Variants in BLTP3B observed in about 807,000 individuals in gnomAD.
BLTP3B encodes the protein bridge-like lipid transfer protein family member 3B.
the BLTP3B span, among the ~76,000 whole-genome samples, chr12:100,136,153 G>C: frequency 1.3e-5 from 2 of 150,856 alleles, no homozygotes; most frequent in Non-Finnish European, 2.9e-5. Flanking sequence ...AGAGGTTGCA[G>C]TGAGCTGAGA....
At chr12:100,142,463 C>G in the BLTP3B span, 1 of 1,030,954 alleles carries the variant, frequency 9.7e-7, no homozygotes, top group Non-Finnish European at 1.4e-6. Context: ...CTGCCCCGGC[C>G]AGAGCGGGGA....
At chr12:100,127,916 A>G in the BLTP3B span, among the ~76,000 whole-genome samples, 1 of 152,124 alleles carries the variant, frequency 6.6e-6, no homozygotes, top group African/African-American at 2.4e-5. Flanking sequence ...TGGTGGCTGA[A>G]GCAGGAGGAT....
the BLTP3B span, among the ~76,000 whole-genome samples, chr12:100,140,366 TCA>T: frequency 2.0e-5 from 3 of 151,028 alleles, no homozygotes; most frequent in African/African-American, 7.3e-5. Flanking sequence ...AAAATCCTCA[TCA>T]CACTATTTAT....
At chr12:100,059,548 A>T in the BLTP3B span, 31 of 1,560,986 alleles carry the variant, frequency 2.0e-5, no homozygotes, top group Non-Finnish European at 2.6e-5. Flanking sequence ...AAGAGAAGAA[A>T]AATTAATCTC....
chr12:100,097,522 G>T, the BLTP3B span: 1 of 1,585,448 alleles, frequency 6.3e-7, no homozygotes, highest in Non-Finnish European at 8.6e-7. Context: ...AGAACACAGA[G>T]ATTAACTTCA....
the BLTP3B span, chr12:100,098,201 G>C: frequency 3.0e-5 from 24 of 790,140 alleles, no homozygotes; most frequent in Non-Finnish European, 4.0e-5. Context: ...CTGAGCAACA[G>C]AGTGAGACCC....
At chr12:100,136,494 C>G in the BLTP3B span, among the ~76,000 whole-genome samples, 4 of 152,214 alleles carry the variant, frequency 2.6e-5, no homozygotes, top group Admixed American at 6.5e-5. Flanking sequence ...CTTTGTATCT[C>G]TAATGCCCAC....
At chr12:100,101,956 A>C in the BLTP3B span, among the ~76,000 whole-genome samples, 1 of 149,510 alleles carries the variant, frequency 6.7e-6, no homozygotes, top group Non-Finnish European at 1.5e-5. Flanking sequence ...GGCGTATACC[A>C]CCGCACCCAG....
At chr12:100,048,220 ATGTT>A in the BLTP3B span, 2 of 1,556,604 alleles carry the variant, frequency 1.3e-6, no homozygotes, top group Non-Finnish European at 1.7e-6. Context: ...ACATACAAAA[ATGTT>A]TGTAGCATTA....
chr12:100,075,849 T>C, the BLTP3B span, among the ~76,000 whole-genome samples: 1 of 152,138 alleles, frequency 6.6e-6, no homozygotes, highest in Non-Finnish European at 1.5e-5. Context: ...AAAATACAGA[T>C]GCTGGTGAGG....
chr12:100,138,860 TACACATACAC>T, the BLTP3B span, among the ~76,000 whole-genome samples: 3 of 141,526 alleles, frequency 2.1e-5, no homozygotes, highest in Non-Finnish European at 3.0e-5. Context: ...TGTATACACA[TACACATACAC>T]ACACACACAC....
At chr12:100,119,791 A>G in the BLTP3B span, among the ~76,000 whole-genome samples, 2 of 152,228 alleles carry the variant, frequency 1.3e-5, no homozygotes, top group African/African-American at 4.8e-5. Flanking sequence ...ATAAACAAAA[A>G]TTAACTCTAA....
the BLTP3B span, among the ~76,000 whole-genome samples, chr12:100,130,982 G>GGGGAGA: frequency 4.2e-4 from 26 of 62,242 alleles, no homozygotes; most frequent in Non-Finnish European, 5.8e-4. Flanking sequence ...AGAGAGGGAG[G>GGGGAGA]GAGAGAGAGA....
At chr12:100,129,314 C>T in the BLTP3B span, among the ~76,000 whole-genome samples, 1 of 152,102 alleles carries the variant, frequency 6.6e-6, no homozygotes, top group Non-Finnish European at 1.5e-5. Context: ...TCTAAATTTT[C>T]CGGATATGAT....
chr12:100,076,962 T>C, the BLTP3B span, among the ~76,000 whole-genome samples: 2 of 152,202 alleles, frequency 1.3e-5, no homozygotes, highest in Non-Finnish European at 2.9e-5. Context: ...CGTATATATA[T>C]GTGGGGTTTC....
the BLTP3B span, among the ~76,000 whole-genome samples, chr12:100,117,969 A>G: frequency 4.7e-5 from 7 of 149,384 alleles, no homozygotes; most frequent in Non-Finnish European, 8.8e-5. Context: ...GATACAAAGA[A>G]TGCCTTTTTT....
chr12:100,070,523 C>T, the BLTP3B span, among the ~76,000 whole-genome samples: 2 of 152,206 alleles, frequency 1.3e-5, no homozygotes, highest in East Asian at 3.9e-4. Context: ...TCCTAAAGTG[C>T]TGGGATTACA....
chr12:100,051,422 T>C, the BLTP3B span: 2 of 442,936 alleles, frequency 4.5e-6, no homozygotes, highest in Middle Eastern at 1.2e-3. Flanking sequence ...TCTCAAACTA[T>C]CTGTGGTAAA....
the BLTP3B span, chr12:100,069,796 AATC>A: frequency 1.6e-5 from 5 of 317,158 alleles, no homozygotes; most frequent in Non-Finnish European, 1.4e-5. Context: ...AAATCTCACA[AATC>A]ACCACTAAAC....
Sources: gnomAD v4.1 joint callset for allele counts (sites outside exome capture counted in the v4.1 genomes callset) on GRCh38, gnomAD v4.1.1 for gene constraint, MANE v1.5 for transcripts, NCBI Gene and HGNC (gene_info 2026-07-23, HGNC 2026-07-21) for gene names.